Variants in CDYL2 observed in about 807,000 individuals in gnomAD.
CDYL2 encodes chromodomain Y-like protein 2.
CDYL2 carries 23 observed loss-of-function variants against 49.4 expected under a neutral mutation model. The ratio of observed to expected loss-of-function variants is 0.47; its 90% CI spans 0.34 to 0.66. The LOEUF (loss-of-function observed/expected upper bound fraction) is 0.66. Among genes scored for constraint, CDYL2 ranks in the 30% least tolerant of loss-of-function variants. CDYL2 has a pLI of 0.01. For synonymous variants in CDYL2, 360 were observed against 268.8 expected (o/e 1.34, Z -3.32); for missense variants, 678 against 656.4 (o/e 1.03, Z -0.36).
chr16:80,690,593 T>C (rs1217529685), intron 1 of CDYL2, among the ~76,000 whole-genome samples: 1 of 152,226 alleles, frequency 6.6e-6, no homozygotes, highest in Non-Finnish European at 1.5e-5. Context: ...CTAATGCATC[T>C]TGGCTCCAAA....
chr16:80,617,078 G>C (rs1320078261), intron 4 of CDYL2, among the ~76,000 whole-genome samples: 6 of 152,204 alleles, frequency 3.9e-5, no homozygotes, highest in African/African-American at 1.4e-4. Context: ...GTTCAGAGGA[G>C]GCAGACTCTT....
chr16:80,747,199 G>T (rs1309013737), intron 1 of CDYL2, among the ~76,000 whole-genome samples: 1 of 152,112 alleles, frequency 6.6e-6, no homozygotes, highest in Non-Finnish European at 1.5e-5. Context: ...GAAAATTAGG[G>T]AAAGGCCCAC....
At chr16:80,750,792 G>T (rs1228835482) in intron 1 of CDYL2, among the ~76,000 whole-genome samples, 2 of 152,192 alleles carry the variant, frequency 1.3e-5, no homozygotes, top group Admixed American at 6.5e-5. Context: ...GGCCGAGGCA[G>T]GCGGATCACG....
At chr16:80,756,703 T>C (rs1906322208) in intron 1 of CDYL2, among the ~76,000 whole-genome samples, 1 of 152,060 alleles carries the variant, frequency 6.6e-6, no homozygotes, top group African/African-American at 2.4e-5. Context: ...CAGTACACAC[T>C]AAAACCACAG....
intron 6 of CDYL2, among the ~76,000 whole-genome samples, chr16:80,606,914 C>T (rs1206249662): frequency 6.6e-6 from 1 of 152,154 alleles, no homozygotes; most frequent in Non-Finnish European, 1.5e-5. Flanking sequence ...TGTGAGGCCT[C>T]CCCAGCCACA....
chr16:80,605,242 G>C (rs972637733), intron 6 of CDYL2, among the ~76,000 whole-genome samples: 3 of 150,738 alleles, frequency 2.0e-5, no homozygotes, highest in African/African-American at 7.3e-5. Flanking sequence ...CATTACTAAA[G>C]TATTACGTAT....
Position 80,717,004 on chromosome 16 carries a change from TGATG to T in CDYL2, c.25-31879_25-31876del, listed in dbSNP as rs60811461. 3.0e-3 allele frequency among the ~76,000 whole-genome samples: 441 copies of T among 147,452 alleles called. 2 individuals are homozygous for T. Among genetic ancestry groups the T allele is most frequent in the East Asian group, 0.022 (106 of 4,856 alleles). On this transcript the variant is annotated intron_variant, in intron 1 of 6. Coordinates refer to ENST00000570137, the MANE Select transcript of CDYL2 (RefSeq NM_152342.4). ...TGATTAGATGAATGGATGATTCAAT[TGATG>T]GATGGATGGATGGATGGATGGATGG...
chr16:80,648,248 GACAA>G (rs955120277), intron 2 of CDYL2, among the ~76,000 whole-genome samples: 2 of 151,950 alleles, frequency 1.3e-5, no homozygotes, highest in African/African-American at 2.4e-5. Flanking sequence ...AAACAAAATT[GACAA>G]ACATTTAGCC....
At chr16:80,675,088 A>C (rs1401397226) in intron 2 of CDYL2, among the ~76,000 whole-genome samples, 15 of 152,254 alleles carry the variant, frequency 9.9e-5, no homozygotes, top group Admixed American at 9.8e-4. Context: ...CCAAGTCAGC[A>C]TCTCTGATAC....
intron 2 of CDYL2, among the ~76,000 whole-genome samples, chr16:80,678,867 G>A (rs1403426756): frequency 4.0e-5 from 6 of 151,234 alleles, no homozygotes; most frequent in Non-Finnish European, 5.9e-5. Flanking sequence ...CAGCCCAAAT[G>A]TCCAACAATG....
rs1905852742 is a variant in CDYL2 at position 80,744,345 on chromosome 16, T to C, written c.25-59216A>G. ...GCAACTCTATTAACCATAGCACAGCTCTGGAAAGCAGAGATTTCTTTCCCC... is the reference window on the plus strand; with the variant it reads ...GCAACTCTATTAACCATAGCACAGCCCTGGAAAGCAGAGATTTCTTTCCCC... On this transcript the variant is annotated intron_variant, in intron 1 of 6. Transcript: ENST00000570137. 2.0e-5 allele frequency among the ~76,000 whole-genome samples: 3 copies of C among 152,198 alleles called. No individual in the cohort carries two copies. The South Asian group carries it at 6.2e-4, about 32-fold the overall frequency.
chr16:80,632,452 T>C (rs1339661365), intron 3 of CDYL2, among the ~76,000 whole-genome samples: 1 of 152,226 alleles, frequency 6.6e-6, no homozygotes, highest in African/African-American at 2.4e-5. Context: ...GTGAGGTTTC[T>C]CCTTGGGGTG....
chr16:80,712,097 A>G (rs149579629), intron 1 of CDYL2, among the ~76,000 whole-genome samples: 22,892 of 144,634 alleles, frequency 0.16, 2,089 homozygotes, highest in South Asian at 0.23. Context: ...GTGTATATAT[A>G]TGTGTATATA....
rs373723217 is a variant in CDYL2 at position 80,680,843 on chromosome 16, C to T, written c.616+3695G>A. Reference sequence around the variant, plus strand: ...TTCAGCATGAACGTGCAGAACCCACCCCTCCAGCCCCCTGAGATCCTGATT... The same window carrying T: ...TTCAGCATGAACGTGCAGAACCCACTCCTCCAGCCCCCTGAGATCCTGATT... On this transcript the variant is annotated intron_variant, in intron 2 of 6. Coordinates refer to ENST00000570137, the MANE Select transcript of CDYL2 (RefSeq NM_152342.4). Among the ~76,000 whole-genome samples, 43 of 152,190 alleles carry T rather than the reference C, an allele frequency of 2.8e-4. No homozygotes were observed. In the East Asian group the frequency reaches 8.0e-3, roughly 28 times the overall value.
chr16:80,774,737 A>G (rs1235476947), intron 1 of CDYL2, among the ~76,000 whole-genome samples: 1 of 152,130 alleles, frequency 6.6e-6, no homozygotes, highest in Non-Finnish European at 1.5e-5. Flanking sequence ...GCAAATCTGA[A>G]GAGTATTTTC....
intron 1 of CDYL2, among the ~76,000 whole-genome samples, chr16:80,782,228 G>A (rs1907292818): frequency 6.6e-6 from 1 of 151,802 alleles, no homozygotes; most frequent in African/African-American, 2.4e-5. Flanking sequence ...ATAAATAATT[G>A]TACACCAACA....
intron 1 of CDYL2, among the ~76,000 whole-genome samples, chr16:80,739,368 C>G (rs1905653048): frequency 6.6e-6 from 1 of 152,046 alleles, no homozygotes. Context: ...TACTTAATAC[C>G]TCGGAAATGC....
At chr16:80,694,481 T>C (rs1293740224) in intron 1 of CDYL2, among the ~76,000 whole-genome samples, 1 of 109,350 alleles carries the variant, frequency 9.1e-6, no homozygotes, top group Non-Finnish European at 2.3e-5. Context: ...GCCAGGTTTC[T>C]CACTGGCTTA....
chr16:80,702,530 G>A (rs1269859550), intron 1 of CDYL2, among the ~76,000 whole-genome samples: 1 of 152,128 alleles, frequency 6.6e-6, no homozygotes, highest in African/African-American at 2.4e-5. Flanking sequence ...CAGGAGGATT[G>A]TTTGAGGCCA....
Sources: gnomAD v4.1 joint callset for allele counts (sites outside exome capture counted in the v4.1 genomes callset) on GRCh38, gnomAD v4.1.1 for gene constraint, MANE v1.5 for transcripts, NCBI Gene and HGNC (gene_info 2026-07-23, HGNC 2026-07-21) for gene names.